Variants in FOXJ3 observed in about 807,000 individuals in gnomAD.
The protein encoded by FOXJ3 is forkhead box J3, also known as forkhead box protein J3.
Under a neutral mutation model 76.1 loss-of-function variants are expected in FOXJ3, and 22 were observed. That is an observed-to-expected ratio of 0.29 (90% confidence interval 0.21 to 0.41). The LOEUF (loss-of-function observed/expected upper bound fraction) is 0.41. Ranked by LOEUF, FOXJ3 falls within the 10% of genes least tolerant of loss-of-function variation. The pLI is 1.00. For missense variants in FOXJ3, 613 were observed against 762.1 expected, an observed-to-expected ratio of 0.80 and a Z score of 2.30; for synonymous variants, 269 against 261.2, an observed-to-expected ratio of 1.03 and a Z score of -0.29.
intron 4 of FOXJ3, among the ~76,000 whole-genome samples, chr1:42,244,297 T>A (rs1308575819): frequency 1.3e-5 from 2 of 151,914 alleles, no homozygotes; most frequent in Non-Finnish European, 2.9e-5. Context: ...AAACACAAAA[T>A]TAATAGAAGA....
At chr1:42,274,618 C>A (rs1451969849) in intron 3 of FOXJ3, among the ~76,000 whole-genome samples, 1 of 152,116 alleles carries the variant, frequency 6.6e-6, no homozygotes, top group Non-Finnish European at 1.5e-5. Flanking sequence ...GTACCTACTT[C>A]ATAAGGCTAT....
At chr1:42,302,444 C>T (rs1654210872) in intron 2 of FOXJ3, among the ~76,000 whole-genome samples, 1 of 152,234 alleles carries the variant, frequency 6.6e-6, no homozygotes, top group Non-Finnish European at 1.5e-5. Flanking sequence ...CAGGTGGGTC[C>T]AGACCAGGCA....
At chr1:42,213,087 T>C (rs1471721452) in intron 5 of FOXJ3, among the ~76,000 whole-genome samples, 1 of 152,004 alleles carries the variant, frequency 6.6e-6, no homozygotes, top group African/African-American at 2.4e-5. Context: ...AAGGAGTTCT[T>C]GAAACAAAAG....
rs1654491148 is a variant in FOXJ3, at chr1:42,306,596, C to T, written c.44+4454G>A. Among the ~76,000 whole-genome samples, 2 of 152,086 alleles carry T rather than the reference C, an allele frequency of 1.3e-5. 1 individual carries two copies. Among genetic ancestry groups the T allele is most frequent in the Admixed American group, 1.3e-4 (2 of 15,276 alleles). Reference sequence around the variant, plus strand: ...GGATTACAGGCATGAGCCACGGTGCCCGGTCCCACTCTCTGAACTCTCACT... The same window carrying T: ...GGATTACAGGCATGAGCCACGGTGCTCGGTCCCACTCTCTGAACTCTCACT... On this transcript the variant is annotated intron_variant, in intron 2 of 12. Coordinates refer to ENST00000361346, the MANE Select transcript of FOXJ3 (RefSeq NM_014947.5).
Position 42,278,714 on chromosome 1 carries a change from C to G in FOXJ3, c.45-42G>C, listed in dbSNP as rs771581717. 5 of 1,368,958 alleles carry G rather than the reference C, an allele frequency of 3.7e-6. No individual in the cohort carries two copies. In the East Asian group the frequency reaches 1.2e-4, roughly 32 times the overall value. The allele number at this position is 1,368,958 out of a possible 1,614,324, so 84.8% of individuals were successfully genotyped here. A position where few individuals can be genotyped will look rare whatever the true frequency, so the allele number is the denominator to read the frequency against. On this transcript the variant is annotated intron_variant, in intron 2 of 12. Transcript: ENST00000361346. ...TCCTTAGTCAATATCAAGGAAAGAACCCCTGCTTCTCAAAATATCCAATAT... is the reference window on the plus strand; with the variant it reads ...TCCTTAGTCAATATCAAGGAAAGAAGCCCTGCTTCTCAAAATATCCAATAT...
At position 42,278,691 on chromosome 1, in the gene FOXJ3, C is replaced by T. The variant is rs1334882132; in HGVS notation, c.45-19G>A. On this transcript the variant is annotated intron_variant, in intron 2 of 12. Coordinates refer to ENST00000361346, the MANE Select transcript of FOXJ3 (RefSeq NM_014947.5). ...TGTCATCCTGAAGGTAAATAGACTC[C>T]TTAGTCAATATCAAGGAAAGAACCC... 1.3e-6 allele frequency: 2 copies of T among 1,549,098 alleles called. No individual in the cohort carries two copies. The highest frequency in any genetic ancestry group is 1.8e-6 in the Non-Finnish European group (2 of 1,130,614).
intron 1 of FOXJ3, among the ~76,000 whole-genome samples, chr1:42,323,432 T>C (rs1324456479): frequency 6.6e-6 from 1 of 152,142 alleles, no homozygotes. Flanking sequence ...AGTTTTAATA[T>C]CCTGGAGGAT....
intron 6 of FOXJ3, among the ~76,000 whole-genome samples, chr1:42,200,975 A>G (rs634905): frequency 0.3 from 45,567 of 151,930 alleles, 7,567 homozygotes; most frequent in African/African-American, 0.46. Context: ...AATCTATGTC[A>G]TTTTCTTTCA....
intron 4 of FOXJ3, among the ~76,000 whole-genome samples, chr1:42,245,052 C>T (rs906953144): frequency 5.3e-5 from 8 of 151,508 alleles, no homozygotes; most frequent in Non-Finnish European, 8.8e-5. Flanking sequence ...TGGTGGCGTG[C>T]GCCTGTAATC....
At chr1:42,217,169 G>T (rs1647086938) in intron 5 of FOXJ3, among the ~76,000 whole-genome samples, 2 of 152,004 alleles carry the variant, frequency 1.3e-5, no homozygotes, top group African/African-American at 2.4e-5. Flanking sequence ...AAAATACAAA[G>T]TTAATATACA....
rs1172242685 is a variant in FOXJ3, at chr1:42,185,450, C to T, written c.1645+3287G>A. ...TTTTTTTGTATTTTTTTAGTAGAGA[C>T]GGGGTTTCACCATGTTAACCAAGGT... On this transcript the variant is annotated intron_variant, in intron 11 of 12. Transcript: ENST00000361346. Among the ~76,000 whole-genome samples, 10 of 151,458 alleles carry T rather than the reference C, an allele frequency of 6.6e-5. No homozygotes were observed. In the East Asian group the frequency reaches 9.7e-4, roughly 15 times the overall value.
intron 4 of FOXJ3, among the ~76,000 whole-genome samples, chr1:42,261,383 AT>A (rs936605755): frequency 1.2e-4 from 19 of 152,056 alleles, no homozygotes; most frequent in Non-Finnish European, 2.5e-4. Flanking sequence ...GCAAAACTGA[AT>A]TTCATTTTGT....
At chr1:42,292,742 G>A (rs946815212) in intron 2 of FOXJ3, among the ~76,000 whole-genome samples, 22 of 152,304 alleles carry the variant, frequency 1.4e-4, no homozygotes, top group Admixed American at 3.9e-4. Flanking sequence ...ATGTGTGTAT[G>A]TATTTGTCAG....
chr1:42,294,370 G>A (rs539400781), intron 2 of FOXJ3, among the ~76,000 whole-genome samples: 8 of 152,070 alleles, frequency 5.3e-5, no homozygotes, highest in African/African-American at 1.9e-4. Context: ...CTGAACCAAG[G>A]GTGCTACCTG....
At chr1:42,226,385 G>A (rs576369170) in intron 5 of FOXJ3, among the ~76,000 whole-genome samples, 4 of 152,254 alleles carry the variant, frequency 2.6e-5, no homozygotes, top group Non-Finnish European at 5.9e-5. Flanking sequence ...GCCAAGGTGG[G>A]TGGATCACCT....
intron 2 of FOXJ3, among the ~76,000 whole-genome samples, chr1:42,303,659 G>A (rs1182840398): frequency 2.6e-5 from 4 of 152,162 alleles, no homozygotes; most frequent in African/African-American, 9.7e-5. Flanking sequence ...AGGAAGAAGC[G>A]TTAACAAAAA....
chr1:42,275,343 T>A (rs1013059336), intron 3 of FOXJ3, among the ~76,000 whole-genome samples: 3 of 152,192 alleles, frequency 2.0e-5, no homozygotes, highest in African/African-American at 7.2e-5. Flanking sequence ...TCTACATGTA[T>A]ACACACACCC....
In FOXJ3 at chr1:42,219,350, C is replaced by A. The variant is rs182583826; in HGVS notation, c.528+8533G>T. Among the ~76,000 whole-genome samples the A allele has an allele frequency of 3.9e-4, 59 of 152,218 alleles. 2 individuals carry two copies. In the East Asian group the frequency reaches 0.011, roughly 27 times the overall value. On this transcript the variant is annotated intron_variant, in intron 5 of 12. Transcript: ENST00000361346. ...TCGCTTTATTATTATTGTTGTTAAC[C>A]TCTTACTGTGCCTAATTTATAAATT...
chr1:42,228,584 T>C (rs1647784069), intron 4 of FOXJ3, among the ~76,000 whole-genome samples: 1 of 132,290 alleles, frequency 7.6e-6, no homozygotes, highest in East Asian at 2.2e-4. Context: ...AAAAAAAAAC[T>C]TTGGAAAAGC....
Sources: allele counts gnomAD v4.1 joint callset (sites outside exome capture counted in the v4.1 genomes callset), GRCh38; gene constraint gnomAD v4.1.1; transcripts MANE v1.5; gene names NCBI Gene and HGNC (gene_info 2026-07-23, HGNC 2026-07-21).